SYT1: variants seen among roughly 807,000 people sequenced by gnomAD.
The protein encoded by SYT1 is synaptotagmin-1.
In SYT1, 8 loss-of-function variants were observed where a neutral mutation model predicts 44.8. That is an observed-to-expected ratio of 0.18 (90% CI 0.10 to 0.32). The LOEUF (loss-of-function observed/expected upper bound fraction) is 0.32. Ranked by LOEUF, SYT1 falls within the 10% of genes least tolerant of loss-of-function variation. SYT1 has a pLI of 1.00. For missense variants in SYT1, 286 were observed against 509.3 expected (o/e 0.56, Z 4.22); for synonymous variants, 154 against 188.8 (o/e 0.82, Z 1.51).
chr12:79,427,894 A>G (rs1323175388), intron 9 of SYT1, among the ~76,000 whole-genome samples: 1 of 152,232 alleles, frequency 6.6e-6, no homozygotes, highest in Non-Finnish European at 1.5e-5. Flanking sequence ...CATTTAACTT[A>G]TGGTATAATT....
chr12:78,902,414 A>G (rs1875717117), intron 1 of SYT1, among the ~76,000 whole-genome samples: 2 of 152,050 alleles, frequency 1.3e-5, no homozygotes, highest in South Asian at 4.1e-4. Flanking sequence ...TGTACCTTCC[A>G]CATAGGGCAA....
chr12:79,324,785 A>G (rs936709336), intron 8 of SYT1, among the ~76,000 whole-genome samples: 2 of 151,916 alleles, frequency 1.3e-5, no homozygotes, highest in Admixed American at 1.3e-4. Flanking sequence ...CAAAAAAAAA[A>G]GCTTTTTGTG....
rs11831191 is a variant in SYT1, at chr12:79,347,472, G to A, written c.811-6030G>A. Reference sequence around the variant, plus strand: ...CCATAGAATTGACTGAGGTCTTGATGTAACTGTATCACAGCCCAACTTCTC... The same window carrying A: ...CCATAGAATTGACTGAGGTCTTGATATAACTGTATCACAGCCCAACTTCTC... On this transcript the variant is annotated intron_variant, in intron 8 of 10. Transcript: ENST00000261205. 8.2e-3 allele frequency among the ~76,000 whole-genome samples: 1,248 copies of A among 152,286 alleles called. 12 individuals carry two copies. The highest frequency in any genetic ancestry group is 0.029 in the African/African-American group (1,189 of 41,564).
chr12:79,190,840 CCAAT>C (rs889819787), intron 3 of SYT1, among the ~76,000 whole-genome samples: 16 of 151,916 alleles, frequency 1.1e-4, no homozygotes, highest in African/African-American at 3.9e-4. Context: ...TTTGTGTCCC[CCAAT>C]CATTCTTTTG....
chr12:79,202,681 T>C (rs1051391126), intron 3 of SYT1, among the ~76,000 whole-genome samples: 1 of 152,178 alleles, frequency 6.6e-6, no homozygotes, highest in Non-Finnish European at 1.5e-5. Flanking sequence ...GTACTCCTAG[T>C]AGATCAAGGT....
chr12:78,949,528 A>G (rs528380011), intron 1 of SYT1, among the ~76,000 whole-genome samples: 3 of 151,948 alleles, frequency 2.0e-5, no homozygotes, highest in East Asian at 3.9e-4. Context: ...TTCAAATACC[A>G]TTGCATTTAT....
At chr12:79,179,514 TA>T (rs1272614210) in intron 3 of SYT1, among the ~76,000 whole-genome samples, 1 of 71,290 alleles carries the variant, frequency 1.4e-5, no homozygotes, top group African/African-American at 7.2e-5. Flanking sequence ...TAGATATAGA[TA>T]TATCTATATA....
chr12:79,082,693 G>C (rs1047710718), intron 3 of SYT1, among the ~76,000 whole-genome samples: 12 of 152,084 alleles, frequency 7.9e-5, no homozygotes, highest in Admixed American at 7.2e-4. Context: ...AGCTGCTAAG[G>C]CCTCCTGCCC....
chr12:78,867,480 T>A (rs752591287), intron 1 of SYT1, among the ~76,000 whole-genome samples: 2 of 152,070 alleles, frequency 1.3e-5, no homozygotes, highest in Non-Finnish European at 2.9e-5. Flanking sequence ...TGATATATTA[T>A]AGGAAATTCT....
At chr12:79,352,534 G>C (rs2136005201) in intron 8 of SYT1, among the ~76,000 whole-genome samples, 1 of 152,140 alleles carries the variant, frequency 6.6e-6, no homozygotes, top group Middle Eastern at 3.4e-3. Flanking sequence ...CAGTATCTGA[G>C]GGGCATACAA....
chr12:79,231,650 A>G (rs954064679), intron 4 of SYT1, among the ~76,000 whole-genome samples: 5 of 152,198 alleles, frequency 3.3e-5, no homozygotes, highest in African/African-American at 2.4e-5. Flanking sequence ...CATATTGTTC[A>G]ATGCCTTGAA....
In SYT1 at chr12:79,440,055, G is replaced by A. The variant is rs373126661; in HGVS notation, c.929-4018G>A. Among the ~76,000 whole-genome samples the A allele has an allele frequency of 5.2e-4, 79 of 152,154 alleles. No homozygotes were observed. The East Asian group carries it at 0.012, about 22-fold the overall frequency. On this transcript the variant is annotated intron_variant, in intron 9 of 10. Transcript: ENST00000261205. ...AGCCTGGCCAACATGGTGAAACCCC[G>A]TCTCTACTAAAAATACAAAAATTAG...
intron 9 of SYT1, among the ~76,000 whole-genome samples, chr12:79,427,604 A>G (rs1869525827): frequency 6.6e-6 from 1 of 152,224 alleles, no homozygotes; most frequent in Non-Finnish European, 1.5e-5. Context: ...GCATTTTATA[A>G]GAATTATGAA....
rs1372034904 is a variant in SYT1, at chr12:79,306,865, GACA to G, written c.810+7316_810+7318del. ...AAAGGAGAATGAGAATAATGATGTAGACAAGAGCAGCCTTGTTTACATCTGGTT... is the reference window on the plus strand; with the variant it reads ...AAAGGAGAATGAGAATAATGATGTAGAGAGCAGCCTTGTTTACATCTGGTT... On this transcript the variant is annotated intron_variant, in intron 8 of 10. Coordinates refer to ENST00000261205, the MANE Select transcript of SYT1 (RefSeq NM_005639.3). Among the ~76,000 whole-genome samples, 3 of 152,238 alleles carry G rather than the reference GACA, an allele frequency of 2.0e-5. No individual in the cohort carries two copies. The East Asian group carries it at 5.8e-4, about 29-fold the overall frequency.
chr12:78,885,090 A>G (rs1026416326), intron 1 of SYT1, among the ~76,000 whole-genome samples: 1 of 151,964 alleles, frequency 6.6e-6, no homozygotes, highest in Non-Finnish European at 1.5e-5. Flanking sequence ...TCAATCCACT[A>G]GTATCTAGAT....
intron 3 of SYT1, among the ~76,000 whole-genome samples, chr12:79,094,516 G>T (rs1877994174): frequency 6.6e-6 from 1 of 151,594 alleles, no homozygotes; most frequent in Non-Finnish European, 1.5e-5. Flanking sequence ...ATACAGATAG[G>T]ACACAAACAA....
At chr12:79,013,069 G>A (rs1339635391) in intron 2 of SYT1, among the ~76,000 whole-genome samples, 1 of 151,988 alleles carries the variant, frequency 6.6e-6, no homozygotes, top group Non-Finnish European at 1.5e-5. Context: ...TGTGAGCTCA[G>A]GAGTCACTTA....
At chr12:78,888,279 G>GACC (rs1343206815) in intron 1 of SYT1, among the ~76,000 whole-genome samples, 1 of 151,742 alleles carries the variant, frequency 6.6e-6, no homozygotes, top group Non-Finnish European at 1.5e-5. Context: ...TCAATTCTTA[G>GACC]ACCTCATCTT....
chr12:79,075,421 T>G (rs1876574571), intron 3 of SYT1, among the ~76,000 whole-genome samples: 1 of 152,198 alleles, frequency 6.6e-6, no homozygotes, highest in African/African-American at 2.4e-5. Flanking sequence ...CAAGTGTCTG[T>G]CTCTAAAGCT....
Sources: allele counts gnomAD v4.1 joint callset (sites outside exome capture counted in the v4.1 genomes callset), GRCh38; gene constraint gnomAD v4.1.1; transcripts MANE v1.5; gene names NCBI Gene and HGNC (gene_info 2026-07-23, HGNC 2026-07-21).